The following CUEDC1 variants were observed in gnomAD, a reference collection of about 807,000 sequenced individuals.
The protein encoded by CUEDC1 is CUE domain-containing protein 1.
CUEDC1 carries 30 observed loss-of-function variants against 43.7 expected under a neutral mutation model. The ratio of observed to expected loss-of-function variants is 0.69; its 90% CI spans 0.51 to 0.93. The LOEUF is 0.93. Ranked by LOEUF, CUEDC1 falls within the 40% of genes least tolerant of loss-of-function variation. CUEDC1 has a pLI of 0.00. For synonymous variants in CUEDC1, 223 were observed against 223.6 expected (o/e 1.00, Z 0.02); for missense variants, 486 against 549.0 (o/e 0.89, Z 1.15).
intron 3 of CUEDC1, among the ~76,000 whole-genome samples, chr17:57,879,220 A>G (rs1029136619): frequency 2.0e-5 from 3 of 152,202 alleles, no homozygotes; most frequent in Non-Finnish European, 4.4e-5. Context: ...ACTCAGCAGG[A>G]AAGAGCACAG....
intron 1 of CUEDC1, among the ~76,000 whole-genome samples, chr17:57,907,872 A>G (rs1034622056): frequency 2.0e-5 from 3 of 151,652 alleles, no homozygotes; most frequent in Non-Finnish European, 4.4e-5. Flanking sequence ...GTACCTATCT[A>G]AAATGAGAAA....
chr17:57,896,487 G>GGGGGGGTGTGT (rs375270781), intron 1 of CUEDC1, among the ~76,000 whole-genome samples: 53 of 130,370 alleles, frequency 4.1e-4, no homozygotes, highest in South Asian at 7.4e-4. Flanking sequence ...TGCATTATGG[G>GGGGGGGTGTGT]GTGTGTGTGT....
chr17:57,948,644 T>A (rs1220046580), intron 1 of CUEDC1, among the ~76,000 whole-genome samples: 1 of 152,220 alleles, frequency 6.6e-6, no homozygotes. Flanking sequence ...TGTCTCCAGA[T>A]GAAACCTCTT....
At chr17:57,886,318 G>A (rs2074289932) in intron 1 of CUEDC1, among the ~76,000 whole-genome samples, 1 of 152,154 alleles carries the variant, frequency 6.6e-6, no homozygotes, top group Admixed American at 6.5e-5. Flanking sequence ...AGGCAGGAGG[G>A]GCTCTTTAAA....
At chr17:57,867,482 C>G in intron 8 of CUEDC1, 67 bp from the exon 9 acceptor site, 1 of 1,397,424 alleles carries the variant, frequency 7.2e-7, no homozygotes, top group Admixed American at 2.0e-5. Flanking sequence ...CCCAGTCCCA[C>G]TGACTCTCTG....
At chr17:57,900,843 A>G (rs2074463822) in intron 1 of CUEDC1, among the ~76,000 whole-genome samples, 1 of 152,190 alleles carries the variant, frequency 6.6e-6, no homozygotes, top group African/African-American at 2.4e-5. Flanking sequence ...GCTCACTGCT[A>G]CTGATGAGGC....
chr17:57,912,721 AG>A (rs1287286209), intron 1 of CUEDC1, among the ~76,000 whole-genome samples: 1 of 152,256 alleles, frequency 6.6e-6, no homozygotes, highest in Non-Finnish European at 1.5e-5. Flanking sequence ...AACTGCAAAA[AG>A]ACCACTCAGG....
intron 1 of CUEDC1, among the ~76,000 whole-genome samples, chr17:57,897,089 A>G (rs1283618488): frequency 6.6e-6 from 1 of 152,060 alleles, no homozygotes. Flanking sequence ...TGCATATTAT[A>G]TCATCTACAG....
At chr17:57,946,009 A>G (rs916282542) in intron 1 of CUEDC1, among the ~76,000 whole-genome samples, 1 of 152,106 alleles carries the variant, frequency 6.6e-6, no homozygotes, top group Non-Finnish European at 1.5e-5. Flanking sequence ...AAAAATAAAA[A>G]AAAAACACCA....
chr17:57,923,295 A>C (rs2074715213), intron 1 of CUEDC1, among the ~76,000 whole-genome samples: 2 of 152,184 alleles, frequency 1.3e-5, no homozygotes, highest in Non-Finnish European at 2.9e-5. Context: ...ACAGTCAACT[A>C]TATGACCTCA....
chr17:57,943,467 C>T (rs1426575302), intron 1 of CUEDC1, among the ~76,000 whole-genome samples: 2 of 152,172 alleles, frequency 1.3e-5, no homozygotes, highest in Non-Finnish European at 2.9e-5. Flanking sequence ...TGGCTCATTC[C>T]CCATATGCAT....
At chr17:57,889,757 C>T (rs1224222230) in intron 1 of CUEDC1, among the ~76,000 whole-genome samples, 1 of 152,192 alleles carries the variant, frequency 6.6e-6, no homozygotes, top group African/African-American at 2.4e-5. Flanking sequence ...AGTACCATTT[C>T]CACAGGACTC....
chr17:57,896,945 A>G (rs147300490), intron 1 of CUEDC1, among the ~76,000 whole-genome samples: 2,029 of 151,492 alleles, frequency 0.013, 63 homozygotes, highest in African/African-American at 0.047. Context: ...AATTTTTTGT[A>G]TTTTTAGTAA....
chr17:57,874,359 G>A (rs1232325439), intron 3 of CUEDC1, among the ~76,000 whole-genome samples: 3 of 152,204 alleles, frequency 2.0e-5, no homozygotes, highest in Admixed American at 1.3e-4. Flanking sequence ...CCCTCAGGAG[G>A]CCGTGTCCTG....
intron 1 of CUEDC1, among the ~76,000 whole-genome samples, chr17:57,890,628 G>C (rs1239153735): frequency 1.3e-5 from 2 of 152,198 alleles, no homozygotes; most frequent in African/African-American, 4.8e-5. Flanking sequence ...CCTCCCCTGT[G>C]AAGGAATCCA....
chr17:57,894,382 G>C (rs1346748200), intron 1 of CUEDC1, among the ~76,000 whole-genome samples: 1 of 152,092 alleles, frequency 6.6e-6, no homozygotes, highest in Admixed American at 6.5e-5. Flanking sequence ...TTAAAAATCA[G>C]AAGAAAGGCC....
At chr17:57,949,708 G>T (rs1350172893) in intron 1 of CUEDC1, among the ~76,000 whole-genome samples, 17 of 151,620 alleles carry the variant, frequency 1.1e-4, no homozygotes, top group Admixed American at 1.1e-3. Flanking sequence ...GAGTAGCTGG[G>T]ACTACAGATA....
intron 1 of CUEDC1, among the ~76,000 whole-genome samples, chr17:57,946,815 C>T (rs1183398612): frequency 1.3e-5 from 2 of 152,178 alleles, no homozygotes; most frequent in Non-Finnish European, 2.9e-5. Flanking sequence ...CCCTCCTGCT[C>T]ATCATCACCA....
At position 57,867,377 on chromosome 17, in the gene CUEDC1, T is replaced by C. The variant is rs1251430360; in HGVS notation, c.1073A>G (p.Asp358Gly). ...CTCACCACACGCGTGGCCCTCCACA[T>C]CATCCAGGAGGTTGGCTGTTGACGC... is the stretch of plus-strand genomic sequence containing the variant. ...AAASTANLLD[D>G]VEGHACDEDF... The change falls in exon 9 of 11, where the codon GAT becomes GGT. Residue 358 changes from aspartate to glycine, a missense_variant. Asp to Gly is a moderately conservative substitution (Grantham distance 94, BLOSUM62 -1). Transcript: ENST00000577830. 6.4e-7 allele frequency: 1 copy of C among 1,552,378 alleles called. No homozygotes were observed. Among genetic ancestry groups the C allele is most frequent in the Non-Finnish European group, 8.7e-7 (1 of 1,147,340 alleles).
Sources: gnomAD v4.1 joint callset for allele counts (sites outside exome capture counted in the v4.1 genomes callset) on GRCh38, gnomAD v4.1.1 for gene constraint, MANE v1.5 for transcripts, NCBI Gene and HGNC (gene_info 2026-07-23, HGNC 2026-07-21) for gene names.